The following IMMP2L variants were observed in gnomAD, a reference collection of about 807,000 sequenced individuals.
IMMP2L encodes mitochondrial inner membrane protease subunit 2.
A neutral mutation model predicts 19.3 loss-of-function variants in IMMP2L; 18 were observed. The observed-to-expected ratio is 0.93, with a 90% CI of 0.64 to 1.38. The LOEUF is 1.38. IMMP2L is among the 40% of genes most tolerant of loss of function. The pLI is 0.00. For missense variants in IMMP2L, 233 were observed against 218.2 expected (o/e 1.07, Z -0.43); for synonymous variants, 76 against 73.0 (o/e 1.04, Z -0.21).
intron 5 of IMMP2L, among the ~76,000 whole-genome samples, chr7:110,691,825 T>A (rs1424816236): frequency 6.6e-6 from 1 of 152,134 alleles, no homozygotes; most frequent in African/African-American, 2.4e-5. Flanking sequence ...GGCATAGATG[T>A]GGTAAAAGAG....
At chr7:111,075,576 T>C (rs1002412962) in intron 3 of IMMP2L, among the ~76,000 whole-genome samples, 45 of 152,196 alleles carry the variant, frequency 3.0e-4, no homozygotes, top group African/African-American at 1.0e-3. Context: ...GAGAATGTTT[T>C]TTCTCTGAGC....
At chr7:111,141,114 T>G (rs1470430191) in intron 3 of IMMP2L, among the ~76,000 whole-genome samples, 2 of 152,204 alleles carry the variant, frequency 1.3e-5, no homozygotes, top group Non-Finnish European at 2.9e-5. Flanking sequence ...TGCATTAGTG[T>G]CTGTAGGCTC....
chr7:111,535,677 G>A (rs1449217737), intron 1 of IMMP2L, among the ~76,000 whole-genome samples: 2 of 152,086 alleles, frequency 1.3e-5, no homozygotes, highest in African/African-American at 4.8e-5. Flanking sequence ...CTGGGAAGTT[G>A]GGGGGTGGGG....
intron 1 of IMMP2L, among the ~76,000 whole-genome samples, chr7:111,521,832 T>C (rs1386295287): frequency 6.6e-6 from 1 of 152,154 alleles, no homozygotes; most frequent in African/African-American, 2.4e-5. Flanking sequence ...GTGGAACATG[T>C]GGCTGCCCAA....
intron 3 of IMMP2L, among the ~76,000 whole-genome samples, chr7:111,053,205 T>C (rs1321445000): frequency 6.6e-6 from 1 of 152,232 alleles, no homozygotes; most frequent in African/African-American, 2.4e-5. Flanking sequence ...TGTGCATGAT[T>C]TGACCTTTTG....
At chr7:111,066,710 G>A (rs1406616767) in intron 3 of IMMP2L, among the ~76,000 whole-genome samples, 1 of 152,146 alleles carries the variant, frequency 6.6e-6, no homozygotes, top group Non-Finnish European at 1.5e-5. Flanking sequence ...TTTGTCCTTG[G>A]CTTCTGATGG....
chr7:110,818,862 A>C (rs2131319990), intron 5 of IMMP2L, among the ~76,000 whole-genome samples: 1 of 151,136 alleles, frequency 6.6e-6, no homozygotes, highest in South Asian at 2.1e-4. Context: ...TCGCAAGGAC[A>C]AAAAACCAAA....
intron 1 of IMMP2L, among the ~76,000 whole-genome samples, chr7:111,556,240 A>G (rs920672450): frequency 2.0e-5 from 3 of 151,664 alleles, no homozygotes; most frequent in Non-Finnish European, 4.4e-5. Context: ...ACTCATGTAC[A>G]GCATCAGTAC....
intron 3 of IMMP2L, among the ~76,000 whole-genome samples, chr7:111,263,482 G>A (rs919434337): frequency 3.9e-5 from 6 of 151,964 alleles, no homozygotes; most frequent in Non-Finnish European, 1.5e-5. Context: ...TAGGAATGAG[G>A]AGGAGTTCTT....
chr7:111,550,549 G>A (rs1305833104), intron 1 of IMMP2L, among the ~76,000 whole-genome samples: 4 of 152,046 alleles, frequency 2.6e-5, no homozygotes, highest in African/African-American at 7.2e-5. Context: ...GCATGTGTGA[G>A]GGCAGGGAGT....
chr7:111,066,826 A>G (rs556176714), intron 3 of IMMP2L, among the ~76,000 whole-genome samples: 1 of 152,354 alleles, frequency 6.6e-6, no homozygotes, highest in African/African-American at 2.4e-5. Flanking sequence ...TGGTCACATT[A>G]GTAAAACCAA....
intron 5 of IMMP2L, among the ~76,000 whole-genome samples, chr7:110,699,678 G>C (rs562709715): frequency 6.6e-6 from 1 of 150,792 alleles, no homozygotes; most frequent in South Asian, 2.1e-4. Flanking sequence ...TGAGGCAGGA[G>C]AATCACTTGA....
At chr7:111,443,457 A>G (rs1837953426) in intron 3 of IMMP2L, among the ~76,000 whole-genome samples, 1 of 152,158 alleles carries the variant, frequency 6.6e-6, no homozygotes, top group Admixed American at 6.6e-5. Flanking sequence ...AAATCAACTT[A>G]ATTTCCAGAA....
In IMMP2L at chr7:111,465,710, C is replaced by T. The variant is rs573632659; in HGVS notation, c.239+21528G>A. ...GAGAGGATGTGGAGAAATAGGAACA[C>T]TTTTACACTGTTGGTGGGACTGTAA... On this transcript the variant is annotated intron_variant, in intron 3 of 5. Transcript: ENST00000405709. Among the ~76,000 whole-genome samples, 296 of 152,096 alleles carry T rather than the reference C, an allele frequency of 1.9e-3. 3 individuals carry two copies. The highest frequency in any genetic ancestry group is 6.8e-3 in the African/African-American group (283 of 41,464).
intron 5 of IMMP2L, among the ~76,000 whole-genome samples, chr7:110,702,237 T>C (rs1378113105): frequency 1.3e-5 from 2 of 152,122 alleles, no homozygotes; most frequent in Non-Finnish European, 2.9e-5. Flanking sequence ...ACTTGGCCCC[T>C]GAATGGTTTC....
At chr7:111,367,914 A>C (rs953121715) in intron 3 of IMMP2L, among the ~76,000 whole-genome samples, 10 of 152,000 alleles carry the variant, frequency 6.6e-5, no homozygotes, top group Admixed American at 1.3e-4. Flanking sequence ...ACTGAGCAAC[A>C]AACGCTGTAC....
chr7:111,555,921 C>T (rs954735252), intron 1 of IMMP2L, among the ~76,000 whole-genome samples: 13 of 149,996 alleles, frequency 8.7e-5, no homozygotes, highest in African/African-American at 3.2e-4. Flanking sequence ...TTGGTACAAC[C>T]ATTATGGAAA....
chr7:110,721,320 C>T (rs1279349363), intron 5 of IMMP2L, among the ~76,000 whole-genome samples: 1 of 151,918 alleles, frequency 6.6e-6, no homozygotes, highest in African/African-American at 2.4e-5. Flanking sequence ...AAGTGTTTGG[C>T]CAGTATATGG....
rs371925801 is a variant in IMMP2L at position 111,479,669 on chromosome 7, TG to T, written c.239+7568del. ...TTACATATAATATTTAACGTGTATT[TG>T]GGAGGTCCTTTGCAAATGCCGTCTT... On this transcript the variant is annotated intron_variant, in intron 3 of 5. Coordinates refer to ENST00000405709, the MANE Select transcript of IMMP2L (RefSeq NM_032549.4). Among the ~76,000 whole-genome samples, 84 of 152,276 alleles carry T rather than the reference TG, an allele frequency of 5.5e-4. 2 individuals carry two copies. The highest frequency in any genetic ancestry group is 1.9e-3 in the African/African-American group (78 of 41,556).
Sources: gnomAD v4.1 joint callset for allele counts (sites outside exome capture counted in the v4.1 genomes callset) on GRCh38, gnomAD v4.1.1 for gene constraint, MANE v1.5 for transcripts, NCBI Gene and HGNC (gene_info 2026-07-23, HGNC 2026-07-21) for gene names.